The following ERI3 variants were observed in gnomAD, a reference collection of about 807,000 sequenced individuals.
ERI3 encodes ERI1 exoribonuclease 3.
Under a neutral mutation model 44.4 loss-of-function variants are expected in ERI3, and 18 were observed. The observed-to-expected ratio is 0.41, with a 90% CI of 0.28 to 0.60. The LOEUF (loss-of-function observed/expected upper bound fraction) is 0.60. Among genes scored for constraint, ERI3 ranks in the 20% least tolerant of loss-of-function variants. ERI3 has a pLI of 0.36. For missense variants in ERI3, 294 were observed against 435.5 expected (o/e 0.68, Z 2.89); for synonymous variants, 183 against 164.8 (o/e 1.11, Z -0.84).
intron 1 of ERI3, chr1:44,353,614 C>T: frequency 1.0e-6 from 1 of 985,424 alleles, no homozygotes; most frequent in Non-Finnish European, 1.2e-6. Context: ...GAAAAGGCCA[C>T]TCACCAATTT....
At chr1:44,269,816 T>G (rs756532936) in intron 7 of ERI3, among the ~76,000 whole-genome samples, 2 of 152,186 alleles carry the variant, frequency 1.3e-5, no homozygotes, top group Admixed American at 6.5e-5. Context: ...CTCCTGGTCA[T>G]GTGGTAGGCA....
At chr1:44,259,916 T>TAGACAGACAGACAGACAGAC (rs1236516662) in intron 7 of ERI3, among the ~76,000 whole-genome samples, 1 of 141,406 alleles carries the variant, frequency 7.1e-6, no homozygotes, top group African/African-American at 2.9e-5. Flanking sequence ...GATAGATAGA[T>TAGACAGACAGACAGACAGAC]AGATAGACAG....
At chr1:44,324,301 G>A (rs1422350122) in intron 3 of ERI3, among the ~76,000 whole-genome samples, 1 of 152,036 alleles carries the variant, frequency 6.6e-6, no homozygotes, top group African/African-American at 2.4e-5. Context: ...ATGGTCAGTG[G>A]TACAGCCAGG....
intron 6 of ERI3, among the ~76,000 whole-genome samples, chr1:44,286,416 C>A (rs1016933257): frequency 6.6e-5 from 10 of 152,068 alleles, no homozygotes; most frequent in Non-Finnish European, 1.0e-4. Flanking sequence ...GTCTCAGAGG[C>A]AACTGGATAT....
At position 44,241,128 on chromosome 1, in the gene ERI3, G is replaced by T. The variant is rs890094435; in HGVS notation, c.931+6811C>A. 2.6e-5 allele frequency among the ~76,000 whole-genome samples: 4 copies of T among 152,176 alleles called. No homozygotes were observed. The highest frequency in any genetic ancestry group is 2.0e-4 in the Admixed American group (3 of 15,286). ...TAGGGATTGATTCTCAGGGTACCAG[G>T]AACTGGGGGAGGGGCTGGCCTGGTC... On this transcript the variant is annotated intron_variant, in intron 8 of 8. Coordinates refer to ENST00000372257, the MANE Select transcript of ERI3 (RefSeq NM_024066.3). This position sits in a 1 kb window ranked among gnomAD's most constrained non-coding sequence, Gnocchi z 5.6.
intron 8 of ERI3, among the ~76,000 whole-genome samples, chr1:44,233,339 A>T (rs892815941): frequency 6.8e-6 from 1 of 147,118 alleles, no homozygotes; most frequent in Non-Finnish European, 1.5e-5. Context: ...CACAGAAGCC[A>T]CTCTCCTGAG....
At chr1:44,274,655 G>A (rs1645147278) in intron 7 of ERI3, among the ~76,000 whole-genome samples, 1 of 152,190 alleles carries the variant, frequency 6.6e-6, no homozygotes, top group Non-Finnish European at 1.5e-5. Context: ...AGCAGATGTT[G>A]CAGAGAATGG....
chr1:44,325,857 C>T (rs1646302411), intron 3 of ERI3, among the ~76,000 whole-genome samples: 1 of 151,996 alleles, frequency 6.6e-6, no homozygotes, highest in African/African-American at 2.4e-5. Context: ...CCACGTTGGC[C>T]AGGTGGGTCT....
chr1:44,250,654 GCA>G (rs753423281), intron 7 of ERI3, among the ~76,000 whole-genome samples: 1 of 152,076 alleles, frequency 6.6e-6, no homozygotes, highest in Non-Finnish European at 1.5e-5. Flanking sequence ...GTGTCATGCC[GCA>G]CAGTTTCATA....
chr1:44,312,472 G>C (rs1645993431), intron 5 of ERI3, among the ~76,000 whole-genome samples: 1 of 151,998 alleles, frequency 6.6e-6, no homozygotes, highest in Non-Finnish European at 1.5e-5. Flanking sequence ...TATTCCCTCG[G>C]GCTACAGCGC....
At chr1:44,236,063 GC>G (rs1193654788) in intron 8 of ERI3, among the ~76,000 whole-genome samples, 1 of 152,172 alleles carries the variant, frequency 6.6e-6, no homozygotes, top group African/African-American at 2.4e-5. Flanking sequence ...TAACAGGTGG[GC>G]CCCAGTGGAG....
chr1:44,321,332 A>T (rs1646198678), intron 3 of ERI3, among the ~76,000 whole-genome samples: 1 of 152,140 alleles, frequency 6.6e-6, no homozygotes, highest in African/African-American at 2.4e-5. Context: ...CAGAGATAGA[A>T]AGGGCAAAAT....
chr1:44,296,172 C>G (rs1400252323), intron 6 of ERI3, among the ~76,000 whole-genome samples: 1 of 152,194 alleles, frequency 6.6e-6, no homozygotes, highest in Non-Finnish European at 1.5e-5. Context: ...CCAGGGAGGA[C>G]AGCCATTAGT....
intron 6 of ERI3, among the ~76,000 whole-genome samples, chr1:44,299,772 C>A (rs1194491139): frequency 6.6e-6 from 1 of 152,108 alleles, no homozygotes; most frequent in Admixed American, 6.5e-5. Flanking sequence ...CTGCATGGAA[C>A]CTCTATTCCA....
rs946992776 is a variant in ERI3, at chr1:44,241,924, T to C, written c.931+6015A>G. On this transcript the variant is annotated intron_variant, in intron 8 of 8. Transcript: ENST00000372257. This position sits in a 1 kb window ranked among gnomAD's most constrained non-coding sequence, Gnocchi z 5.6. ...TAGTCCATCAACTCACCCATCCATC[T>C]AGCCATTCTTCCATCTATGGTTGCT... The C allele has an allele frequency of 6.2e-5, 61 of 984,886 alleles. No homozygotes were observed. The highest frequency in any genetic ancestry group is 7.0e-5 in the Non-Finnish European group (58 of 829,226). The allele number at this position is 984,886 out of a possible 1,614,324, so 61.0% of individuals were successfully genotyped here. A position where few individuals can be genotyped will look rare whatever the true frequency, so the allele number is the denominator to read the frequency against.
rs1409298385 is a variant in ERI3, at chr1:44,320,923, TAGTC to T, written c.490-1183_490-1180del. Among the ~76,000 whole-genome samples, 6 of 152,268 alleles carry T rather than the reference TAGTC, an allele frequency of 3.9e-5. No homozygotes were observed. In the East Asian group the frequency reaches 9.6e-4, roughly 24 times the overall value. ...GGCTCTGCCTATTCAGTGACCCTAA[TAGTC>T]AGCTCCAGCAGCACCCCTTCCCCAG... is the stretch of plus-strand genomic sequence containing the variant. On this transcript the variant is annotated intron_variant, in intron 3 of 8. Coordinates refer to ENST00000372257, the MANE Select transcript of ERI3 (RefSeq NM_024066.3).
At chr1:44,237,099 G>A (rs763256219) in intron 8 of ERI3, among the ~76,000 whole-genome samples, 3 of 152,164 alleles carry the variant, frequency 2.0e-5, no homozygotes, top group East Asian at 3.9e-4. Flanking sequence ...GAAGACCTGC[G>A]TGAGCTTCTC....
chr1:44,353,306 G>A (rs991308705), intron 1 of ERI3: 1 of 985,368 alleles, frequency 1.0e-6, no homozygotes, highest in Non-Finnish European at 1.2e-6. Context: ...GTAGGGGTTG[G>A]TTGCCACAAA....
chr1:44,275,571 A>T (rs1036602053), intron 7 of ERI3, among the ~76,000 whole-genome samples: 1 of 152,160 alleles, frequency 6.6e-6, no homozygotes, highest in African/African-American at 2.4e-5. Flanking sequence ...CTCCCAGGGG[A>T]GAGGGAGAAA....
Sources: gnomAD v4.1 joint callset for allele counts (sites outside exome capture counted in the v4.1 genomes callset) on GRCh38, gnomAD v4.1.1 for gene constraint, Gnocchi (gnomAD v3.1) non-coding constraint, MANE v1.5 for transcripts, NCBI Gene and HGNC (gene_info 2026-07-23, HGNC 2026-07-21) for gene names.